MICU1: variants seen among roughly 807,000 people sequenced by gnomAD.
The protein encoded by MICU1 is mitochondrial calcium uptake 1, also known as calcium uptake protein 1, mitochondrial.
Under a neutral mutation model 56.8 loss-of-function variants are expected in MICU1, and 45 were observed. The observed-to-expected ratio is 0.79, with a 90% CI of 0.62 to 1.02. The LOEUF is 1.02. Ranked by LOEUF, MICU1 falls within the 50% of genes least tolerant of loss-of-function variation. The probability of loss-of-function intolerance (pLI) is 0.00; values close to 1 mark genes in which losing one functional copy is unlikely to be tolerated. For missense variants in MICU1, 504 were observed against 587.1 expected (o/e 0.86, Z 1.46); for synonymous variants, 186 against 195.1 (o/e 0.95, Z 0.39).
At chr10:72,536,138 G>A (rs1362033783) in intron 4 of MICU1, among the ~76,000 whole-genome samples, 1 of 152,026 alleles carries the variant, frequency 6.6e-6, no homozygotes, top group Non-Finnish European at 1.5e-5. Flanking sequence ...AAGTTCTAGT[G>A]TTCTATAGCA....
At chr10:72,604,011 A>C (rs1841618156) in intron 1 of MICU1, among the ~76,000 whole-genome samples, 1 of 152,142 alleles carries the variant, frequency 6.6e-6, no homozygotes. Context: ...GTCTCATTTA[A>C]CAGCAAATAA....
intron 3 of MICU1, among the ~76,000 whole-genome samples, chr10:72,561,912 C>T (rs992916982): frequency 3.9e-5 from 6 of 152,144 alleles, no homozygotes; most frequent in East Asian, 1.9e-4. Flanking sequence ...ACACACAAAA[C>T]GCAGAAATAA....
chr10:72,557,990 G>A (rs1482667732), intron 3 of MICU1, among the ~76,000 whole-genome samples: 1 of 152,024 alleles, frequency 6.6e-6, no homozygotes, highest in Non-Finnish European at 1.5e-5. Context: ...TAAATAATTT[G>A]GCTTTTTAAA....
Position 72,367,857 on chromosome 10 carries a change from G to C in MICU1, c.*338C>G. 1 of 236,740 alleles carries C rather than the reference G, an allele frequency of 4.2e-6. No individual in the cohort carries two copies. The highest frequency in any genetic ancestry group is 8.3e-5 in the East Asian group (1 of 11,996). 14.7% of individuals were successfully genotyped at this position (236,740 alleles called of 1,614,324 possible). A position where few individuals can be genotyped will look rare whatever the true frequency, so the allele number is the denominator to read the frequency against. The stretch of plus-strand genomic sequence containing the variant: ...CCATAGCAAAAACGATTTGAGAACT[G>C]GATGCTTCCCAGGGTTGGCAGGTGT... On this transcript the variant is annotated 3_prime_UTR_variant, in exon 12 of 12. Transcript: ENST00000361114.
At chr10:72,591,743 C>T (rs1841230518) in intron 1 of MICU1, among the ~76,000 whole-genome samples, 1 of 152,036 alleles carries the variant, frequency 6.6e-6, no homozygotes, top group Non-Finnish European at 1.5e-5. Context: ...CCAGTAAAGG[C>T]CAGGTGCGGT....
chr10:72,512,097 G>GT (rs1867471926), intron 5 of MICU1, among the ~76,000 whole-genome samples: 17 of 100,700 alleles, frequency 1.7e-4, no homozygotes, highest in South Asian at 1.6e-3. Flanking sequence ...TCCATACACA[G>GT]TTGTTTTTTG....
chr10:72,473,547 C>T (rs1285798231), intron 8 of MICU1, among the ~76,000 whole-genome samples: 1 of 152,022 alleles, frequency 6.6e-6, no homozygotes, highest in Non-Finnish European at 1.5e-5. Flanking sequence ...GACAAGATGC[C>T]GCTCCATCTC....
chr10:72,452,232 G>C (rs1229444226), intron 8 of MICU1, among the ~76,000 whole-genome samples: 1 of 152,112 alleles, frequency 6.6e-6, no homozygotes, highest in Non-Finnish European at 1.5e-5. Context: ...TCCTCTAGCT[G>C]TCAGGAAGCT....
chr10:72,372,185 A>G (rs1862368175), intron 11 of MICU1, among the ~76,000 whole-genome samples: 1 of 152,166 alleles, frequency 6.6e-6, no homozygotes, highest in Non-Finnish European at 1.5e-5. Context: ...CCTGGGCAAC[A>G]TCGCAAGACT....
intron 9 of MICU1, among the ~76,000 whole-genome samples, chr10:72,420,056 C>T (rs12416491): frequency 0.52 from 79,311 of 151,966 alleles, 22,165 homozygotes; most frequent in Non-Finnish European, 0.65. Context: ...CAACGTAAGA[C>T]GTGTCTTTTC....
intron 1 of MICU1, among the ~76,000 whole-genome samples, chr10:72,585,430 C>T (rs934848395): frequency 6.6e-6 from 1 of 152,076 alleles, no homozygotes; most frequent in Non-Finnish European, 1.5e-5. Flanking sequence ...CGCGGTGGCT[C>T]ACGCCTGTAA....
chr10:72,462,561 G>A (rs1014208299), intron 8 of MICU1, among the ~76,000 whole-genome samples: 2 of 151,992 alleles, frequency 1.3e-5, no homozygotes, highest in African/African-American at 4.8e-5. Context: ...CTGTAGCCAC[G>A]GACTGTTGTA....
At chr10:72,472,229 G>C (rs910038972) in intron 8 of MICU1, among the ~76,000 whole-genome samples, 5 of 152,138 alleles carry the variant, frequency 3.3e-5, no homozygotes, top group African/African-American at 1.2e-4. Flanking sequence ...TCTGAAGATA[G>C]AGCCCTCTAC....
chr10:72,596,148 G>A (rs1836110515), intron 1 of MICU1, among the ~76,000 whole-genome samples: 1 of 152,010 alleles, frequency 6.6e-6, no homozygotes, highest in Non-Finnish European at 1.5e-5. Context: ...ACCACGCCCA[G>A]CTAATTTTTG....
intron 1 of MICU1, among the ~76,000 whole-genome samples, chr10:72,614,057 T>C (rs1016269547): frequency 1.3e-5 from 2 of 152,042 alleles, no homozygotes; most frequent in Admixed American, 6.6e-5. Context: ...GGCAGAAGAA[T>C]TGCTTGAACC....
At chr10:72,484,457 T>C (rs1463813637) in intron 6 of MICU1, among the ~76,000 whole-genome samples, 1 of 151,666 alleles carries the variant, frequency 6.6e-6, no homozygotes, top group Non-Finnish European at 1.5e-5. Flanking sequence ...AAATTAGTTA[T>C]CAGGAAGAAG....
chr10:72,602,866 G>A (rs1841577351), intron 1 of MICU1, among the ~76,000 whole-genome samples: 2 of 152,180 alleles, frequency 1.3e-5, no homozygotes, highest in Non-Finnish European at 2.9e-5. Flanking sequence ...CCAGCACTTC[G>A]GGAGGCCGAG....
intron 4 of MICU1, among the ~76,000 whole-genome samples, chr10:72,546,941 G>T (rs929473411): frequency 2.7e-5 from 4 of 150,942 alleles, no homozygotes; most frequent in African/African-American, 9.8e-5. Flanking sequence ...GCCCAGGCTG[G>T]ACTGCAGTGG....
At chr10:72,374,788 G>T (rs935947204) in intron 11 of MICU1, among the ~76,000 whole-genome samples, 14 of 143,568 alleles carry the variant, frequency 9.8e-5, no homozygotes, top group African/African-American at 3.4e-4. Flanking sequence ...TCAAATCCTG[G>T]TTTTGCCATC....
Sources: gnomAD v4.1 joint callset for allele counts (sites outside exome capture counted in the v4.1 genomes callset) on GRCh38, gnomAD v4.1.1 for gene constraint, MANE v1.5 for transcripts, NCBI Gene and HGNC (gene_info 2026-07-23, HGNC 2026-07-21) for gene names.